PDE1C: variants seen among roughly 807,000 people sequenced by gnomAD.
PDE1C encodes the protein phosphodiesterase 1C, also known as dual specificity calcium/calmodulin-dependent 3',5'-cyclic nucleotide phosphodiesterase 1C.
In PDE1C, 62 loss-of-function variants were observed where a neutral mutation model predicts 93.1. That is an observed-to-expected ratio of 0.67 (90% CI 0.54 to 0.82). The LOEUF is 0.82. Among genes scored for constraint, PDE1C ranks in the 40% least tolerant of loss-of-function variants. The pLI, the probability that PDE1C is intolerant of heterozygous loss-of-function variation, is 0.00. For missense variants in PDE1C, 742 were observed against 884.6 expected (o/e 0.84, Z 2.04); for synonymous variants, 325 against 310.1 (o/e 1.05, Z -0.50).
intron 3 of PDE1C, among the ~76,000 whole-genome samples, chr7:32,119,062 G>A (rs1444796141): frequency 6.6e-6 from 1 of 152,066 alleles, no homozygotes; most frequent in African/African-American, 2.4e-5. Context: ...AGCCTCAATG[G>A]CAAGCTGGAA....
the PDE1C span, among the ~76,000 whole-genome samples, chr7:31,669,060 A>G: frequency 6.6e-6 from 1 of 152,116 alleles, no homozygotes; most frequent in African/African-American, 2.4e-5. Context: ...TTTGGATTCT[A>G]TTTTGAATGT....
intron 1 of PDE1C, among the ~76,000 whole-genome samples, chr7:32,212,599 G>A (rs544488503): frequency 5.9e-5 from 9 of 152,166 alleles, no homozygotes; most frequent in East Asian, 3.9e-4. Flanking sequence ...GGTCACATGC[G>A]CTAGATGGAC....
chr7:32,003,528 A>T (rs1188263396), intron 2 of PDE1C, among the ~76,000 whole-genome samples: 1 of 152,240 alleles, frequency 6.6e-6, no homozygotes. Context: ...AGCCAGACTC[A>T]TTCCTCACCT....
At chr7:32,301,155 T>A (rs1812872884), upstream of PDE1C, among the ~76,000 whole-genome samples, 1 of 152,176 alleles carries the variant, frequency 6.6e-6, no homozygotes, top group African/African-American at 2.4e-5. Context: ...ATGTATTTTT[T>A]AATATAGTAA....
the PDE1C span, among the ~76,000 whole-genome samples, chr7:31,713,690 C>G: frequency 6.6e-6 from 1 of 152,234 alleles, no homozygotes. Flanking sequence ...CCTCTCAAAT[C>G]TAGGTGGCAG....
chr7:31,884,516 T>C (rs533934829), intron 2 of PDE1C, among the ~76,000 whole-genome samples: 34 of 152,338 alleles, frequency 2.2e-4, no homozygotes, highest in African/African-American at 7.9e-4. Context: ...CATCTCCTGT[T>C]TGGGTGTCAC....
intron 1 of PDE1C, among the ~76,000 whole-genome samples, chr7:32,238,802 A>G (rs577585198): frequency 1.3e-5 from 2 of 152,380 alleles, no homozygotes; most frequent in South Asian, 2.1e-4. Context: ...TTAGTTATCC[A>G]TATTGGGGAA....
intron 3 of PDE1C, among the ~76,000 whole-genome samples, chr7:32,153,866 T>C (rs1801407869): frequency 6.6e-6 from 1 of 152,196 alleles, no homozygotes; most frequent in Non-Finnish European, 1.5e-5. Context: ...TTCCTCTCTC[T>C]CTGCCTTTTT....
At chr7:32,390,627 A>T (rs1276477531) in intron 1 of PDE1C, among the ~76,000 whole-genome samples, 2 of 151,970 alleles carry the variant, frequency 1.3e-5, no homozygotes, top group African/African-American at 2.4e-5. Context: ...CAGGAGGATC[A>T]CTTGAGCCCA....
At chr7:31,767,216 T>C (rs1174545304) in intron 17 of PDE1C, among the ~76,000 whole-genome samples, 1 of 152,214 alleles carries the variant, frequency 6.6e-6, no homozygotes, top group African/African-American at 2.4e-5. Flanking sequence ...TTCTCTTCGT[T>C]TATTGTTGTT....
chr7:32,145,399 A>G (rs902060051), intron 3 of PDE1C, among the ~76,000 whole-genome samples: 3 of 152,174 alleles, frequency 2.0e-5, no homozygotes, highest in African/African-American at 7.2e-5. Flanking sequence ...CCTTTTTCCC[A>G]TTAGCTGTGT....
At chr7:32,211,034 C>T (rs1055635871) in intron 1 of PDE1C, among the ~76,000 whole-genome samples, 7 of 152,004 alleles carry the variant, frequency 4.6e-5, no homozygotes, top group African/African-American at 1.7e-4. Context: ...ATGGTGAAAC[C>T]CCATCTCTAC....
Position 32,296,840 on chromosome 7 carries a change from T to TC in PDE1C, c.85+1810dup, listed in dbSNP as rs1344246943. ...ACCTTTAATTCTTTTCTACAAGCAC[T>TC]CCCTTAGCACCCACCAACACCATTT... is the stretch of plus-strand genomic sequence containing the variant. On this transcript the variant is annotated intron_variant, in intron 1 of 18. Transcript: ENST00000396193. 3.3e-5 allele frequency among the ~76,000 whole-genome samples: 5 copies of TC among 152,310 alleles called. No individual in the cohort carries two copies. In the East Asian group the frequency reaches 9.6e-4, roughly 29 times the overall value.
Position 31,823,098 on chromosome 7 carries a change from C to G in PDE1C, c.1557G>C (p.Glu519Asp). 1 of 1,612,314 alleles carries G rather than the reference C, an allele frequency of 6.2e-7. No homozygotes were observed. The highest frequency in any genetic ancestry group is 1.1e-5 in the South Asian group (1 of 90,792). ...CTTTGGGTACCTTGGCCCTCCATCT[C>G]TCCCGATTGATGTGCACCACTTCCG... ...TWTEVVHINR[E>D]RWRAKVPKEE... is the part of the protein sequence containing the mutation. The change falls in exon 14 of 18, where the codon GAG becomes GAC. Residue 519 changes from glutamate to aspartate, a missense_variant. Physicochemically the swap from Glu to Asp is conservative, Grantham distance 45. Around this residue, in one of 4 missense-constraint regions of PDE1C, gnomAD observed 454 missense variants for 459.4 expected, o/e 0.99. Transcript: ENST00000396191.
chr7:31,739,200 GACACACACACAC>G, the PDE1C span, among the ~76,000 whole-genome samples: 80 of 143,164 alleles, frequency 5.6e-4, no homozygotes, highest in African/African-American at 1.9e-3. Flanking sequence ...GTAACTTTTA[GACACACACACAC>G]ACACACACAC....
In PDE1C at chr7:32,008,953, T is replaced by G. The variant is rs141857198; in HGVS notation, c.128+42601A>C. Among the ~76,000 whole-genome samples, 647 of 151,722 alleles carry G rather than the reference T, an allele frequency of 4.3e-3. 2 individuals carry two copies. The highest frequency in any genetic ancestry group is 0.015 in the African/African-American group (601 of 41,344). On this transcript the variant is annotated intron_variant, in intron 2 of 17. Transcript: ENST00000396191. Reference sequence around the variant, plus strand: ...CATAAGACAAAAAAAAGGCTATAGATTCCTCCAAGTTAGATAATGATGACT... The same window carrying G: ...CATAAGACAAAAAAAAGGCTATAGAGTCCTCCAAGTTAGATAATGATGACT...
chr7:32,058,274 C>G (rs976406987), intron 1 of PDE1C, among the ~76,000 whole-genome samples: 2 of 152,156 alleles, frequency 1.3e-5, no homozygotes, highest in Non-Finnish European at 2.9e-5. Context: ...ACACACAGAC[C>G]GCTTCGGAAA....
chr7:32,295,528 C>T (rs185741934), intron 1 of PDE1C, among the ~76,000 whole-genome samples: 2 of 152,260 alleles, frequency 1.3e-5, no homozygotes, highest in Non-Finnish European at 1.5e-5. Context: ...TTGAGCAATA[C>T]GTTTTAAAGT....
rs190177753 is a variant in PDE1C at position 32,187,206 on chromosome 7, C to T, written c.137-17250G>A. 2.8e-3 allele frequency among the ~76,000 whole-genome samples: 427 copies of T among 152,072 alleles called. 4 individuals are homozygous for T. The highest frequency in any genetic ancestry group is 0.01 in the Middle Eastern group (3 of 294). On this transcript the variant is annotated intron_variant, in intron 2 of 18. Transcript: ENST00000396193. Reference sequence around the variant, plus strand: ...ACAAGGTCTCACTATGTCACCCAGGCGGGCCTCCAACTCCTGGGCTCAAGC... The same window carrying T: ...ACAAGGTCTCACTATGTCACCCAGGTGGGCCTCCAACTCCTGGGCTCAAGC...
Sources: allele counts gnomAD v4.1 joint callset (sites outside exome capture counted in the v4.1 genomes callset), GRCh38; gene constraint gnomAD v4.1.1; regional missense constraint gnomAD v4.1.1; transcripts MANE v1.5; gene names NCBI Gene and HGNC (gene_info 2026-07-23, HGNC 2026-07-21).